MMP20: variants seen among roughly 807,000 people sequenced by gnomAD.
MMP20 encodes matrix metallopeptidase 20.
In MMP20, 50 loss-of-function variants were observed where a neutral mutation model predicts 51.8. That is an observed-to-expected ratio of 0.97 (90% CI 0.77 to 1.22). The LOEUF (loss-of-function observed/expected upper bound fraction) is 1.22. MMP20 is among the 50% of genes most tolerant of loss of function. The probability of loss-of-function intolerance (pLI) is 0.00; values close to 1 mark genes in which losing one functional copy is unlikely to be tolerated. For synonymous variants in MMP20, 244 were observed against 216.2 expected (o/e 1.13, Z -1.13); for missense variants, 663 against 601.4 (o/e 1.10, Z -1.07).
In MMP20 at chr11:102,625,290, A is replaced by G; in HGVS notation, c.30T>C (p.Ala10=). 2 of 1,613,752 alleles carry G rather than the reference A, an allele frequency of 1.2e-6. No individual in the cohort carries two copies. Among genetic ancestry groups the G allele is most frequent in the Non-Finnish European group, 1.7e-6 (2 of 1,179,784 alleles). The change falls in exon 1 of 10, where the codon GCT becomes GCC. Residue 10 remains alanine (A), a synonymous_variant. Transcript: ENST00000260228. ...ACTTCAAAGCCATGATGAGGAAGAC[A>G]GCAAGGCCAGATGCAGGGAGCACCT... MKVLPASGL[A]VFLIMALKFS...
At chr11:102,604,106 C>T (rs1859483627) in intron 6 of MMP20, among the ~76,000 whole-genome samples, 1 of 151,962 alleles carries the variant, frequency 6.6e-6, no homozygotes, top group Non-Finnish European at 1.5e-5. Context: ...TCCTTTACCC[C>T]CACTGCAACC....
At position 102,611,964 on chromosome 11, in the gene MMP20, A is replaced by G. The variant is rs998356539; in HGVS notation, c.375-61T>C. The G allele has an allele frequency of 2.7e-6, 4 of 1,475,984 alleles. No homozygotes were observed. The Admixed American group carries it at 5.0e-5, about 19-fold the overall frequency. 91.4% of individuals were successfully genotyped at this position (1,475,984 alleles called of 1,614,324 possible). On this transcript the variant is annotated intron_variant, in intron 2 of 9. Coordinates refer to ENST00000260228, the MANE Select transcript of MMP20 (RefSeq NM_004771.4). ...AACTGCTCCGAAGAAGGCAAGAATT[A>G]TATGTTGTATTCAAAAAATGTTAAA...
At chr11:102,623,943 C>T (rs1047441662) in intron 1 of MMP20, among the ~76,000 whole-genome samples, 1 of 152,182 alleles carries the variant, frequency 6.6e-6, no homozygotes, top group East Asian at 1.9e-4. Context: ...ATCCCAGTAT[C>T]CTGAGTTATT....
At chr11:102,619,893 A>G (rs978572181) in intron 1 of MMP20, among the ~76,000 whole-genome samples, 8 of 152,184 alleles carry the variant, frequency 5.3e-5, no homozygotes, top group African/African-American at 1.9e-4. Context: ...TCATATAGGC[A>G]GGATTGAAAT....
At chr11:102,589,159 A>G (rs1859286405) in intron 8 of MMP20, among the ~76,000 whole-genome samples, 1 of 152,082 alleles carries the variant, frequency 6.6e-6, no homozygotes. Flanking sequence ...TTCTAGTCAT[A>G]CTGAACTGTT....
At chr11:102,611,708 G>A (rs1859602313) in intron 3 of MMP20, 47 bp downstream of exon 3, 1 of 1,602,952 alleles carries the variant, frequency 6.2e-7, no homozygotes, top group Non-Finnish European at 8.5e-7. Flanking sequence ...ACAGTATTGG[G>A]ACAACTCTCC....
rs1859571459 is a variant in MMP20, at chr11:102,609,761, C to A, written c.649+144G>T. On this transcript the variant is annotated intron_variant, in intron 4 of 9. Coordinates refer to ENST00000260228, the MANE Select transcript of MMP20 (RefSeq NM_004771.4). The stretch of plus-strand genomic sequence containing the variant: ...TGGATTTTTTTCCCTTATGTGATCC[C>A]TTTTGGATTTTTGGCTTACTTGTTT... 8 of 1,147,236 alleles carry A rather than the reference C, an allele frequency of 7.0e-6. No individual in the cohort carries two copies. The South Asian group carries it at 1.0e-4, about 15-fold the overall frequency. The allele number at this position is 1,147,236 out of a possible 1,614,324, so 71.1% of individuals were successfully genotyped here. A position where few individuals can be genotyped will look rare whatever the true frequency, so the allele number is the denominator to read the frequency against.
At position 102,617,016 on chromosome 11, in the gene MMP20, A is replaced by G. The variant is rs371858298; in HGVS notation, c.170T>C (p.Ile57Thr). The change falls in exon 2 of 10, where the codon ATT (isoleucine) becomes ACT (threonine). Residue 57 changes from isoleucine (I) to threonine (T), a missense_variant. Transcript: ENST00000260228. ...KYYTNKEGHQ[I>T]GEMVARGSNS... ...GCTTCCTCTTGCAACCATCTCACCA[A>G]TCTGGTGTCCTTCTTTATTTGTGTA... The G allele has an allele frequency of 1.9e-6, 3 of 1,614,038 alleles. No individual in the cohort carries two copies. Among genetic ancestry groups the G allele is most frequent in the African/African-American group, 1.3e-5 (1 of 75,006 alleles).
At chr11:102,616,694 T>A (rs1235879105) in intron 2 of MMP20, 118 bp downstream of exon 2, 5 of 1,329,142 alleles carry the variant, frequency 3.8e-6, no homozygotes, top group Non-Finnish European at 5.3e-6. Context: ...TTCTTATTCT[T>A]ATGGTTGTGA....
chr11:102,606,025 C>A (rs969993115), intron 6 of MMP20, among the ~76,000 whole-genome samples: 16 of 152,170 alleles, frequency 1.1e-4, no homozygotes, highest in Admixed American at 8.5e-4. Flanking sequence ...ATCTGATCAT[C>A]CATCCATCCA....
At chr11:102,607,220 C>T (rs188380207) in intron 5 of MMP20, 199 of 166,774 alleles carry the variant, frequency 1.2e-3, no homozygotes, top group Non-Finnish European at 2.0e-3. Context: ...AAAAACTGAG[C>T]GAGTTCTTGT....
chr11:102,584,100 G>A (rs1429668310), intron 8 of MMP20, among the ~76,000 whole-genome samples: 2 of 152,102 alleles, frequency 1.3e-5, no homozygotes, highest in African/African-American at 4.8e-5. Context: ...TTTGTATACA[G>A]CTATTATGTG....
In MMP20 at chr11:102,616,907, G is replaced by T; in HGVS notation, c.279C>A (p.Asn93Lys). 1 of 1,614,182 alleles carries T rather than the reference G, an allele frequency of 6.2e-7. No individual in the cohort carries two copies. Among genetic ancestry groups the T allele is most frequent in the Admixed American group, 1.7e-5 (1 of 60,026 alleles). ...VTGKLDQTTM[N>K]VIKKPRCGVP... Reference sequence around the variant, plus strand: ...CTCCACAGCGAGGCTTCTTGATCACGTTCATTGTGGTCTGGTCTAACTTCC... The same window carrying T: ...CTCCACAGCGAGGCTTCTTGATCACTTTCATTGTGGTCTGGTCTAACTTCC... The change falls in exon 2 of 10, where the codon AAC becomes AAA. Residue 93 changes from asparagine to lysine, a missense_variant. Coordinates refer to ENST00000260228, the MANE Select transcript of MMP20 (RefSeq NM_004771.4).
intron 6 of MMP20, among the ~76,000 whole-genome samples, chr11:102,595,414 C>A (rs1387000827): frequency 6.6e-6 from 1 of 152,162 alleles, no homozygotes; most frequent in Admixed American, 6.5e-5. Context: ...TATGCACCCC[C>A]CCATTCCAAA....
chr11:102,625,278 G>A lies in MMP20; in HGVS notation c.42C>T (p.Ile14=), dbSNP rs373119810. ...CTGCAGTGGAAAACTTCAAAGCCAT[G>A]ATGAGGAAGACAGCAAGGCCAGATG... The part of the protein sequence containing the change: ...LPASGLAVFL[I]MALKFSTAAP... The change falls in exon 1 of 10, where the codon ATC becomes ATT. Residue 14 remains isoleucine (I), a synonymous_variant. Coordinates refer to ENST00000260228, the MANE Select transcript of MMP20 (RefSeq NM_004771.4). 2 of 1,613,818 alleles carry A rather than the reference G, an allele frequency of 1.2e-6. No individual in the cohort carries two copies. Among genetic ancestry groups the A allele is most frequent in the East Asian group, 4.5e-5 (2 of 44,876 alleles).
At chr11:102,610,753 TAGTTTG>T (rs976276864) in intron 3 of MMP20, among the ~76,000 whole-genome samples, 1 of 151,626 alleles carries the variant, frequency 6.6e-6, no homozygotes, top group Non-Finnish European at 1.5e-5. Context: ...TACCCAGTTT[TAGTTTG>T]TTTTTTTTTT....
chr11:102,577,648 T>A (rs1171083219), intron 9 of MMP20, among the ~76,000 whole-genome samples: 1 of 152,220 alleles, frequency 6.6e-6, no homozygotes, highest in African/African-American at 2.4e-5. Flanking sequence ...TAAGGCCTTC[T>A]TGTTGGGGTC....
intron 8 of MMP20, chr11:102,583,524 C>T (rs1591608368): frequency 6.6e-6 from 1 of 152,158 alleles, no homozygotes; most frequent in Non-Finnish European, 1.5e-5. Flanking sequence ...TCTGTAGGAG[C>T]TATAGGAGCA....
chr11:102,619,365 T>C (rs1859717955), intron 1 of MMP20, among the ~76,000 whole-genome samples: 1 of 152,172 alleles, frequency 6.6e-6, no homozygotes, highest in Non-Finnish European at 1.5e-5. Context: ...AAATAGGTTA[T>C]ATAAGGGAAG....
Sources: allele counts gnomAD v4.1 joint callset (sites outside exome capture counted in the v4.1 genomes callset), GRCh38; gene constraint gnomAD v4.1.1; transcripts MANE v1.5; gene names NCBI Gene and HGNC (gene_info 2026-07-23, HGNC 2026-07-21).